The following USP34 variants were observed in gnomAD, a reference collection of about 807,000 sequenced individuals.
USP34 encodes the protein ubiquitin carboxyl-terminal hydrolase 34.
Under a neutral mutation model 460.3 loss-of-function variants are expected in USP34, and 70 were observed. The ratio of observed to expected loss-of-function variants is 0.15; its 90% CI spans 0.13 to 0.19. USP34 has a LOEUF of 0.19. USP34 is among the 10% of genes least tolerant of loss of function. The pLI, the probability that USP34 is intolerant of heterozygous loss-of-function variation, is 1.00. For missense variants in USP34, 3,985 were observed against 4,236.2 expected (o/e 0.94, Z 1.65); for synonymous variants, 1,647 against 1,405.3 (o/e 1.17, Z -3.85).
At chr2:61,362,681 T>C (rs1364950900) in intron 10 of USP34, among the ~76,000 whole-genome samples, 1 of 152,062 alleles carries the variant, frequency 6.6e-6, no homozygotes, top group Non-Finnish European at 1.5e-5. Flanking sequence ...AAGTTTAAGT[T>C]CTCCAAAATG....
Position 61,465,047 on chromosome 2 carries a change from A to T in USP34, c.43+5603T>A, listed in dbSNP as rs149669386. On this transcript the variant is annotated intron_variant, in intron 1 of 79. Transcript: ENST00000398571. Reference sequence around the variant, plus strand: ...TTACTCAATACATCCAAGCTTTTTAAATGTTTTTAAAATGAAGCATGAAAA... The same window carrying T: ...TTACTCAATACATCCAAGCTTTTTATATGTTTTTAAAATGAAGCATGAAAA... Among the ~76,000 whole-genome samples the T allele has an allele frequency of 3.9e-5, 6 of 152,308 alleles. No individual in the cohort carries two copies. In the East Asian group the frequency reaches 9.6e-4, roughly 24 times the overall value.
In USP34 at chr2:61,296,970, GAA is replaced by G. The variant is rs142162614; in HGVS notation, c.4129-47_4129-46del. ...TACTTTATCAAAACAGATCAGAAAA[GAA>G]AAAGTTTTAAGTTCAAATTTTTGCA... On this transcript the variant is annotated intron_variant, in intron 29 of 79. Coordinates refer to ENST00000398571, the MANE Select transcript of USP34 (RefSeq NM_014709.4). 1.3e-3 allele frequency: 2,054 copies of G among 1,545,482 alleles called. 22 individuals are homozygous for G. The African/African-American group carries it at 0.022, about 17-fold the overall frequency.
Position 61,188,471 on chromosome 2 carries a change from T to A in USP34, c.10272A>T (p.Ser3424=). ...EYRMEVPSSF[S]EDMSNIRSQH... The stretch of plus-strand genomic sequence containing the variant: ...GTGACCTGATATTTGACATGTCTTC[T>A]GAAAACGAAGATGGAACTTCCATTC... Residue 3424 remains serine, a synonymous_variant, in exon 80 of 80, where the codon TCA becomes TCT. Transcript: ENST00000398571. 1 of 1,614,258 alleles carries A rather than the reference T, an allele frequency of 6.2e-7. No individual in the cohort carries two copies. The highest frequency in any genetic ancestry group is 8.5e-7 in the Non-Finnish European group (1 of 1,180,040).
In USP34 at chr2:61,283,277, A is replaced by G; in HGVS notation, c.4874-8T>C. ...ACATTGAATAATGTGAAACTAAAGAAAAATTAGAAAACAGTTCACTATAAA... is the reference window on the plus strand; with the variant it reads ...ACATTGAATAATGTGAAACTAAAGAGAAATTAGAAAACAGTTCACTATAAA... On this transcript the variant is annotated splice_polypyrimidine_tract_variant and splice_region_variant and intron_variant, in intron 36 of 79. Coordinates refer to ENST00000398571, the MANE Select transcript of USP34 (RefSeq NM_014709.4). 3.7e-6 allele frequency: 6 copies of G among 1,610,190 alleles called. No homozygotes were observed. The highest frequency in any genetic ancestry group is 4.2e-6 in the Non-Finnish European group (5 of 1,178,478).
chr2:61,296,059 G>A (rs1254009623), intron 30 of USP34, among the ~76,000 whole-genome samples: 4 of 152,112 alleles, frequency 2.6e-5, no homozygotes, highest in Non-Finnish European at 5.9e-5. Flanking sequence ...AGGAGTTATA[G>A]ATCAACTTGG....
At chr2:61,340,379 C>G (rs1691554813) in intron 16 of USP34, among the ~76,000 whole-genome samples, 1 of 152,128 alleles carries the variant, frequency 6.6e-6, no homozygotes, top group African/African-American at 2.4e-5. Context: ...ATCTGTGTAA[C>G]AAGTTTTGCA....
chr2:61,220,300 T>G lies in USP34; in HGVS notation c.8047+10A>C, dbSNP rs765027137. 4 of 1,594,168 alleles carry G rather than the reference T, an allele frequency of 2.5e-6. No homozygotes were observed. The African/African-American group carries it at 4.1e-5, about 16-fold the overall frequency. On this transcript the variant is annotated intron_variant, in intron 67 of 79. Transcript: ENST00000398571. ...TAAATGGTTTATGAAATTCTAAATA[T>G]TTGACTTACAAGTCCTCACTCTAGG...
chr2:61,261,941 A>G (rs1688891931), intron 43 of USP34, among the ~76,000 whole-genome samples: 1 of 151,690 alleles, frequency 6.6e-6, no homozygotes, highest in Admixed American at 6.6e-5. Flanking sequence ...TGTCTCTGCT[A>G]AAAATACAAA....
intron 43 of USP34, among the ~76,000 whole-genome samples, chr2:61,263,031 T>TA (rs1483959835): frequency 2.0e-5 from 3 of 151,900 alleles, no homozygotes; most frequent in African/African-American, 7.3e-5. Flanking sequence ...TTTTTTAAGA[T>TA]AGAGTCTTGC....
At chr2:61,455,413 G>A (rs574431239) in intron 1 of USP34, among the ~76,000 whole-genome samples, 14 of 152,090 alleles carry the variant, frequency 9.2e-5, no homozygotes, top group African/African-American at 3.1e-4. Context: ...CCTGAGCTCA[G>A]GCAATCCACC....
At chr2:61,469,296 A>G (rs1468123158) in intron 1 of USP34, among the ~76,000 whole-genome samples, 1 of 152,230 alleles carries the variant, frequency 6.6e-6, no homozygotes, top group Non-Finnish European at 1.5e-5. Context: ...TTCCAAGTTG[A>G]GCGTAACAAT....
chr2:61,405,039 A>G lies in USP34; in HGVS notation c.552+669T>C, dbSNP rs980821591. 2.0e-5 allele frequency among the ~76,000 whole-genome samples: 3 copies of G among 152,060 alleles called. No individual in the cohort carries two copies. In the East Asian group the frequency reaches 5.8e-4, roughly 29 times the overall value. ...TCAGGAGATCGAGACCATCCTGGCT[A>G]ACACGGTGAAACCCCGTCTCTACTA... is the stretch of plus-strand genomic sequence containing the variant. On this transcript the variant is annotated intron_variant, in intron 3 of 79. Coordinates refer to ENST00000398571, the MANE Select transcript of USP34 (RefSeq NM_014709.4).
intron 23 of USP34, among the ~76,000 whole-genome samples, chr2:61,316,853 T>C (rs960164944): frequency 6.6e-6 from 1 of 152,150 alleles, no homozygotes; most frequent in Non-Finnish European, 1.5e-5. Context: ...ACCACTGCAC[T>C]CTGGCCTGGG....
chr2:61,193,917 G>A (rs1686716310), intron 75 of USP34: 1 of 179,374 alleles, frequency 5.6e-6, no homozygotes, highest in Non-Finnish European at 1.1e-5. Context: ...CAAGAGTAAG[G>A]AAATGGGTGT....
At chr2:61,432,216 G>C (rs1007401884) in intron 1 of USP34, among the ~76,000 whole-genome samples, 1 of 151,476 alleles carries the variant, frequency 6.6e-6, no homozygotes, top group Non-Finnish European at 1.5e-5. Context: ...ACATTTTCCT[G>C]TAATCCTAGC....
chr2:61,294,319 C>T lies in USP34; in HGVS notation c.4461+630G>A, dbSNP rs145139430. On this transcript the variant is annotated intron_variant, in intron 32 of 79. Coordinates refer to ENST00000398571, the MANE Select transcript of USP34 (RefSeq NM_014709.4). Reference sequence around the variant, plus strand: ...AGAGATCGCGCTGCTGCAATCCAGCCTGGGTGACAGAGCGAGACTCCATTT... The same window carrying T: ...AGAGATCGCGCTGCTGCAATCCAGCTTGGGTGACAGAGCGAGACTCCATTT... Among the ~76,000 whole-genome samples the T allele has an allele frequency of 3.4e-3, 510 of 151,348 alleles. 22 individuals carry two copies. The East Asian group carries it at 0.088, about 26-fold the overall frequency.
intron 24 of USP34, 59 bp from the exon 25 acceptor site, chr2:61,314,803 A>G: frequency 1.3e-6 from 2 of 1,586,936 alleles, no homozygotes; most frequent in Non-Finnish European, 1.7e-6. Flanking sequence ...AGCTATATCA[A>G]AGAAAAATTT....
chr2:61,278,474 T>C (rs1243827630), intron 39 of USP34, 31 bp from the exon 40 acceptor site: 2 of 1,449,740 alleles, frequency 1.4e-6, no homozygotes, highest in African/African-American at 2.9e-5. Flanking sequence ...AAAATTCAAA[T>C]ATAAATTTTT....
At chr2:61,369,722 C>T (rs974605019) in intron 10 of USP34, among the ~76,000 whole-genome samples, 1 of 140,006 alleles carries the variant, frequency 7.1e-6, no homozygotes, top group African/African-American at 2.6e-5. Flanking sequence ...ATAAAAAGCA[C>T]TTCATATATT....
Sources: allele counts gnomAD v4.1 joint callset (sites outside exome capture counted in the v4.1 genomes callset), GRCh38; gene constraint gnomAD v4.1.1; transcripts MANE v1.5; gene names NCBI Gene and HGNC (gene_info 2026-07-23, HGNC 2026-07-21).